THSD7A: variants seen among roughly 807,000 people sequenced by gnomAD.
THSD7A encodes the protein thrombospondin type-1 domain-containing protein 7A.
In THSD7A, 96 loss-of-function variants were observed where a neutral mutation model predicts 231.3. The ratio of observed to expected loss-of-function variants is 0.41; its 90% CI spans 0.35 to 0.49. The LOEUF is 0.49. THSD7A is among the 20% of genes least tolerant of loss of function. THSD7A has a pLI of 0.05. For synonymous variants in THSD7A, 940 were observed against 743.3 expected (o/e 1.26, Z -4.30); for missense variants, 2,290 against 2,070.2 (o/e 1.11, Z -2.06).
Position 11,668,405 on chromosome 7 carries a change from T to C in THSD7A, c.191-31444A>G, listed in dbSNP as rs568765699. Among the ~76,000 whole-genome samples the C allele has an allele frequency of 6.8e-5, 9 of 132,482 alleles. No individual in the cohort carries two copies. The South Asian group carries it at 2.1e-3, about 31-fold the overall frequency. The allele number at this position is 132,482 out of a possible 152,430, so 86.9% of individuals were successfully genotyped here. A position where few individuals can be genotyped will look rare whatever the true frequency, so the allele number is the denominator to read the frequency against. ...TGCACTCTGCCCTGGGCAACAAGAGTGAAACTCCATCTCAAAAAAAGAAAG... is the reference window on the plus strand; with the variant it reads ...TGCACTCTGCCCTGGGCAACAAGAGCGAAACTCCATCTCAAAAAAAGAAAG... On this transcript the variant is annotated intron_variant, in intron 1 of 27. Coordinates refer to ENST00000423059, the MANE Select transcript of THSD7A (RefSeq NM_015204.3).
chr7:11,714,216 A>G (rs1431957578), intron 1 of THSD7A, among the ~76,000 whole-genome samples: 1 of 151,182 alleles, frequency 6.6e-6, no homozygotes, highest in Non-Finnish European at 1.5e-5. Context: ...TTAATTATAA[A>G]AGTGTTTAAA....
intron 11 of THSD7A, among the ~76,000 whole-genome samples, chr7:11,448,902 T>C (rs1785058418): frequency 6.6e-6 from 1 of 152,062 alleles, no homozygotes; most frequent in South Asian, 2.1e-4. Context: ...CCCCTAAATT[T>C]TTAAAAATAT....
At chr7:11,420,047 C>G (rs1014176715) in intron 16 of THSD7A, among the ~76,000 whole-genome samples, 3 of 152,114 alleles carry the variant, frequency 2.0e-5, no homozygotes, top group Middle Eastern at 3.2e-3. Flanking sequence ...CAAACTGGAA[C>G]TTATATTTAA....
At position 11,541,444 on chromosome 7, in the gene THSD7A, T is replaced by C; in HGVS notation, c.1797A>G (p.Gln599=). The C allele has an allele frequency of 1.2e-6, 2 of 1,613,982 alleles. No individual in the cohort carries two copies. Among genetic ancestry groups the C allele is most frequent in the Non-Finnish European group, 1.7e-6 (2 of 1,179,886 alleles). ...GKECGPGTQV[Q]EVVCINSDGE... ...CATCACTGTTGATGCACACAACCTC[T>C]TGAACTTGCGTGCCTGGACCACACT... The change falls in exon 6 of 28, where the codon CAA becomes CAG. Residue 599 remains glutamine (Q), a synonymous_variant. Coordinates refer to ENST00000423059, the MANE Select transcript of THSD7A (RefSeq NM_015204.3).
chr7:11,511,362 A>C (rs1787801323), intron 6 of THSD7A, among the ~76,000 whole-genome samples: 1 of 152,198 alleles, frequency 6.6e-6, no homozygotes, highest in Admixed American at 6.5e-5. Context: ...TATTGCCCAA[A>C]GTAATTTATA....
chr7:11,527,388 AAT>A (rs1013718125), intron 6 of THSD7A, among the ~76,000 whole-genome samples: 1 of 151,086 alleles, frequency 6.6e-6, no homozygotes. Flanking sequence ...AATTGGCCAA[AAT>A]ATATATATAT....
chr7:11,584,204 G>A (rs1170517798), intron 4 of THSD7A, among the ~76,000 whole-genome samples: 4 of 152,010 alleles, frequency 2.6e-5, no homozygotes, highest in Non-Finnish European at 4.4e-5. Context: ...TTGTTCTGGG[G>A]AATCATTTAG....
At chr7:11,510,026 A>G (rs1787738395) in intron 6 of THSD7A, among the ~76,000 whole-genome samples, 2 of 151,998 alleles carry the variant, frequency 1.3e-5, no homozygotes, top group African/African-American at 4.8e-5. Context: ...CCATAAATAC[A>G]TACAATCCCA....
chr7:11,501,218 T>A (rs112442501), intron 6 of THSD7A, among the ~76,000 whole-genome samples: 3,368 of 152,220 alleles, frequency 0.022, 128 homozygotes, highest in African/African-American at 0.077. Context: ...ATTAGACAGA[T>A]CATTGAGGCA....
At chr7:11,795,581 A>G (rs899068369) in intron 1 of THSD7A, among the ~76,000 whole-genome samples, 2 of 152,104 alleles carry the variant, frequency 1.3e-5, no homozygotes, top group African/African-American at 2.4e-5. Context: ...ATGTTTTACA[A>G]TGTATGATTG....
intron 1 of THSD7A, among the ~76,000 whole-genome samples, chr7:11,826,289 T>C (rs1785024951): frequency 6.6e-6 from 1 of 152,214 alleles, no homozygotes; most frequent in Non-Finnish European, 1.5e-5. Flanking sequence ...GGCTATTATG[T>C]ACATGTTTCT....
At chr7:11,510,509 G>A (rs10243375) in intron 6 of THSD7A, among the ~76,000 whole-genome samples, 95,377 of 151,926 alleles carry the variant, frequency 0.63, 31,251 homozygotes, top group Non-Finnish European at 0.74. Flanking sequence ...GAGGAACATC[G>A]ATGAAAAAAT....
chr7:11,584,122 T>G (rs1791288964), intron 4 of THSD7A, among the ~76,000 whole-genome samples: 1 of 152,178 alleles, frequency 6.6e-6, no homozygotes, highest in Admixed American at 6.5e-5. Context: ...TCCCAAAATG[T>G]GTAACACTTT....
intron 1 of THSD7A, among the ~76,000 whole-genome samples, chr7:11,707,210 T>G (rs996415348): frequency 3.3e-5 from 5 of 150,936 alleles, no homozygotes; most frequent in Non-Finnish European, 7.4e-5. Context: ...GTGATATCTC[T>G]TATTCCTTCC....
At chr7:11,737,469 C>T (rs559851313) in intron 1 of THSD7A, among the ~76,000 whole-genome samples, 1 of 151,954 alleles carries the variant, frequency 6.6e-6, no homozygotes, top group Non-Finnish European at 1.5e-5. Context: ...ATGCCTGTGC[C>T]CCGTCCTAGA....
intron 1 of THSD7A, among the ~76,000 whole-genome samples, chr7:11,650,315 T>A (rs1167100240): frequency 6.6e-6 from 1 of 152,072 alleles, no homozygotes; most frequent in Non-Finnish European, 1.5e-5. Context: ...ATCTTCTGAA[T>A]CTTTGATGCA....
At chr7:11,398,704 C>T (rs547764829) in intron 23 of THSD7A, among the ~76,000 whole-genome samples, 17 of 152,244 alleles carry the variant, frequency 1.1e-4, no homozygotes, top group Non-Finnish European at 1.6e-4. Flanking sequence ...ATGAATAAAA[C>T]GTACACTGAC....
intron 22 of THSD7A, among the ~76,000 whole-genome samples, chr7:11,402,285 T>C (rs917550234): frequency 6.6e-6 from 1 of 152,238 alleles, no homozygotes; most frequent in African/African-American, 2.4e-5. Context: ...AAACCTACTA[T>C]CATTCTTGTC....
At chr7:11,813,617 G>T (rs1451828745) in intron 1 of THSD7A, among the ~76,000 whole-genome samples, 1 of 151,960 alleles carries the variant, frequency 6.6e-6, no homozygotes, top group Middle Eastern at 3.2e-3. Context: ...GGAAGCTGAG[G>T]CAGGGGAATC....
Sources: gnomAD v4.1 joint callset for allele counts (sites outside exome capture counted in the v4.1 genomes callset) on GRCh38, gnomAD v4.1.1 for gene constraint, MANE v1.5 for transcripts, NCBI Gene and HGNC (gene_info 2026-07-23, HGNC 2026-07-21) for gene names.